Variants in MRAS observed in about 807,000 individuals in gnomAD.
The protein encoded by MRAS is muscle RAS oncogene homolog.
A neutral mutation model predicts 20.9 loss-of-function variants in MRAS; 4 were observed. The observed-to-expected ratio is 0.19, with a 90% CI of 0.09 to 0.44. The LOEUF is 0.44. Ranked by LOEUF, MRAS falls within the 20% of genes least tolerant of loss-of-function variation. The pLI is 0.99. For synonymous variants in MRAS, 98 were observed against 102.9 expected (o/e 0.95, Z 0.29); for missense variants, 154 against 277.5 (o/e 0.56, Z 3.16).
At chr3:138,358,626 G>T (rs1019453985) in intron 1 of MRAS, among the ~76,000 whole-genome samples, 27 of 152,250 alleles carry the variant, frequency 1.8e-4, no homozygotes, top group African/African-American at 5.5e-4. Context: ...CTGGGCATTG[G>T]AGATACAGTG....
chr3:138,348,296 C>CAGCT (rs2054154750), upstream of MRAS: 1 of 152,244 alleles, frequency 6.6e-6, no homozygotes, highest in African/African-American at 2.4e-5. Context: ...ACCTTAAAGC[C>CAGCT]AGCTCCCCGG....
At chr3:138,379,560 C>A (rs1231113405) in intron 2 of MRAS, among the ~76,000 whole-genome samples, 1 of 152,040 alleles carries the variant, frequency 6.6e-6, no homozygotes, top group African/African-American at 2.4e-5. Context: ...GTTTCACCAT[C>A]TTGGCTAGGT....
chr3:138,356,453 A>T (rs774516012), intron 1 of MRAS, among the ~76,000 whole-genome samples: 1 of 152,172 alleles, frequency 6.6e-6, no homozygotes, highest in Non-Finnish European at 1.5e-5. Flanking sequence ...TAGAATTTCA[A>T]CGTGCCTTCT....
At chr3:138,368,391 A>G (rs1011841685) in intron 1 of MRAS, among the ~76,000 whole-genome samples, 4 of 152,204 alleles carry the variant, frequency 2.6e-5, no homozygotes, top group East Asian at 1.9e-4. Flanking sequence ...AGAGCTCAGC[A>G]TATCTCACAC....
intron 1 of MRAS, among the ~76,000 whole-genome samples, chr3:138,372,260 G>A (rs2054689977): frequency 6.6e-6 from 1 of 152,084 alleles, no homozygotes; most frequent in Admixed American, 6.6e-5. Flanking sequence ...ACTTCGACCT[G>A]CTCCTACCCC....
rs372879145 is a variant in MRAS at position 138,397,462 on chromosome 3, T to G, written c.332T>G (p.Leu111Arg). The G allele has an allele frequency of 4.3e-6, 7 of 1,613,978 alleles. No individual in the cohort carries two copies. Among genetic ancestry groups the G allele is most frequent in the Non-Finnish European group, 5.9e-6 (7 of 1,179,966 alleles). ...EHVDRFHQLILRVKDRESFPM... is the reference protein window; with the variant it reads ...EHVDRFHQLIRRVKDRESFPM... ...GTGGACCGCTTCCACCAGCTTATCC[T>G]GCGCGTCAAAGACAGGTGAGCATCA... Residue 111 changes from leucine (L) to arginine (R), a missense_variant, in exon 3 of 6, where the codon CTG (leucine) becomes CGG (arginine). Leu to Arg is a moderately radical substitution (Grantham distance 102, BLOSUM62 -2). Coordinates refer to ENST00000423968, the MANE Select transcript of MRAS (RefSeq NM_001085049.3).
chr3:138,395,432 C>G (rs1029514998), intron 2 of MRAS, among the ~76,000 whole-genome samples: 1 of 152,096 alleles, frequency 6.6e-6, no homozygotes, highest in African/African-American at 2.4e-5. Flanking sequence ...CACCATCTGC[C>G]CCCACCTCCT....
At chr3:138,394,028 T>G (rs1215539862) in intron 2 of MRAS, among the ~76,000 whole-genome samples, 1 of 152,078 alleles carries the variant, frequency 6.6e-6, no homozygotes, top group Non-Finnish European at 1.5e-5. Flanking sequence ...CCACCCACAC[T>G]TCAACCAAAT....
intron 5 of MRAS, among the ~76,000 whole-genome samples, chr3:138,401,910 A>G (rs2042157920): frequency 6.6e-6 from 1 of 152,230 alleles, no homozygotes; most frequent in Non-Finnish European, 1.5e-5. Context: ...AATGTCAGTC[A>G]TTCCCATCAG....
At chr3:138,393,274 AG>A (rs2055166973) in intron 2 of MRAS, among the ~76,000 whole-genome samples, 1 of 152,216 alleles carries the variant, frequency 6.6e-6, no homozygotes, top group Non-Finnish European at 1.5e-5. Flanking sequence ...TGTGTTGCCC[AG>A]GCTGGTCTCA....
At position 138,398,518 on chromosome 3, in the gene MRAS, T is replaced by C; in HGVS notation, c.397T>C (p.Leu133=). ...GGCCAACAAGGTCGATTTGATGCAC[T>C]TGAGGAAGATCACCAGGGAGCAAGG... ...LVANKVDLMH[L]RKITREQGKE... Residue 133 remains leucine (L), a synonymous_variant, in exon 4 of 6, where the codon TTG becomes CTG. Transcript: ENST00000423968. 6.2e-7 allele frequency: 1 copy of C among 1,614,128 alleles called. No homozygotes were observed. The highest frequency in any genetic ancestry group is 8.5e-7 in the Non-Finnish European group (1 of 1,180,020).
intron 3 of MRAS, 145 bp downstream of exon 3, chr3:138,397,622 A>G (rs2055268843): frequency 4.1e-6 from 4 of 966,768 alleles, no homozygotes; most frequent in East Asian, 2.7e-5. Context: ...GAGTAATTAA[A>G]TCATTTGAAA....
rs73864521 is a variant in MRAS, at chr3:138,366,535, T to C, written c.-18-6331T>C. Among the ~76,000 whole-genome samples, 835 of 152,324 alleles carry C rather than the reference T, an allele frequency of 5.5e-3. 8 individuals are homozygous for C. The highest frequency in any genetic ancestry group is 0.019 in the African/African-American group (799 of 41,572). On this transcript the variant is annotated intron_variant, in intron 1 of 5. Transcript: ENST00000423968. ...CAGCATCTTTGGGAGAGCCTCTGGA[T>C]TGGCCCTGGGCCAGCCTCTGAGAAT...
rs1307475796 is a variant in MRAS at position 138,405,270 on chromosome 3, G to A, written c.*3001G>A. ...TTTAACCCAAAGGCCCCTCAGACATGTTACAGCAAATCTGGAGCCACAGAC... is the reference window on the plus strand; with the variant it reads ...TTTAACCCAAAGGCCCCTCAGACATATTACAGCAAATCTGGAGCCACAGAC... On this transcript the variant is annotated 3_prime_UTR_variant, in exon 6 of 6. Transcript: ENST00000423968. The A allele has an allele frequency of 1.3e-5, 2 of 152,648 alleles. No individual in the cohort carries two copies. The highest frequency in any genetic ancestry group is 2.9e-5 in the Non-Finnish European group (2 of 68,046). The allele number at this position is 152,648 out of a possible 1,614,324, so 9.5% of individuals were successfully genotyped here.
At chr3:138,384,226 C>T (rs959631506) in intron 2 of MRAS, among the ~76,000 whole-genome samples, 12 of 152,144 alleles carry the variant, frequency 7.9e-5, no homozygotes, top group East Asian at 5.8e-4. Context: ...ATGTTTAAAA[C>T]GTGGATACTT....
In MRAS at chr3:138,402,341, T is replaced by C; in HGVS notation, c.*72T>C. On this transcript the variant is annotated 3_prime_UTR_variant, in exon 6 of 6. Transcript: ENST00000423968. ...GGGACCCCTCCCCACCTAACTGCAC[T>C]GAAACCATTTCTAACCACAACCCTT... is the stretch of plus-strand genomic sequence containing the variant. The C allele has an allele frequency of 1.5e-6, 2 of 1,295,022 alleles. No homozygotes were observed. The highest frequency in any genetic ancestry group is 1.1e-6 in the Non-Finnish European group (1 of 906,356). The allele number at this position is 1,295,022 out of a possible 1,614,324, so 80.2% of individuals were successfully genotyped here.
chr3:138,400,803 G>A (rs964831208), intron 5 of MRAS, among the ~76,000 whole-genome samples, 190 bp downstream of exon 5: 3 of 152,036 alleles, frequency 2.0e-5, no homozygotes, highest in African/African-American at 7.2e-5. Context: ...TGCCCTCCCC[G>A]CAGCTGCTAA....
intron 1 of MRAS, among the ~76,000 whole-genome samples, chr3:138,351,305 A>G (rs1028693974): frequency 2.0e-5 from 3 of 152,210 alleles, no homozygotes; most frequent in Non-Finnish European, 4.4e-5. Flanking sequence ...ATGGGAATGC[A>G]TTCTTGTGCA....
chr3:138,377,152 T>G (rs566087252), intron 2 of MRAS, among the ~76,000 whole-genome samples: 2 of 152,350 alleles, frequency 1.3e-5, no homozygotes, highest in East Asian at 3.9e-4. Context: ...ATGCCTGGGC[T>G]CTCCATGGCA....
Sources: gnomAD v4.1 joint callset for allele counts (sites outside exome capture counted in the v4.1 genomes callset) on GRCh38, gnomAD v4.1.1 for gene constraint, MANE v1.5 for transcripts, NCBI Gene and HGNC (gene_info 2026-07-23, HGNC 2026-07-21) for gene names.